The following BOD1L1 variants were observed in gnomAD, a reference collection of about 807,000 sequenced individuals.
BOD1L1 encodes the protein biorientation of chromosomes in cell division protein 1-like 1.
Under a neutral mutation model 240.7 loss-of-function variants are expected in BOD1L1, and 86 were observed. The ratio of observed to expected loss-of-function variants is 0.36; its 90% CI spans 0.30 to 0.43. The LOEUF is 0.43. Ranked by LOEUF, BOD1L1 falls within the 20% of genes least tolerant of loss-of-function variation. The pLI is 1.00. For missense variants in BOD1L1, 3,554 were observed against 3,643.5 expected, an observed-to-expected ratio of 0.98 and a Z score of 0.63; for synonymous variants, 1,268 against 1,272.3, an observed-to-expected ratio of 1.00 and a Z score of 0.07.
At chr4:13,611,934 C>A (rs1716203224) in intron 5 of BOD1L1, among the ~76,000 whole-genome samples, 1 of 152,200 alleles carries the variant, frequency 6.6e-6, no homozygotes, top group Non-Finnish European at 1.5e-5. Flanking sequence ...CTACCATGTA[C>A]TCTTAAAATA....
intron 12 of BOD1L1, chr4:13,592,955 C>G (rs1257142493): frequency 1.3e-5 from 2 of 152,122 alleles, no homozygotes; most frequent in East Asian, 3.8e-4. Flanking sequence ...AAATGAGTAA[C>G]AAGTACTTAT....
In BOD1L1 at chr4:13,569,041, T is replaced by C. The variant is rs1439481937; in HGVS notation, c.*970A>G. ...ACATGTTTAAAAAAACACTTGGCAA[T>C]AAAGCCAGTTTCTATACTGAAATAA... On this transcript the variant is annotated 3_prime_UTR_variant, in exon 26 of 26. Coordinates refer to ENST00000040738, the MANE Select transcript of BOD1L1 (RefSeq NM_148894.3). 6.6e-6 allele frequency: 1 copy of C among 152,108 alleles called. No individual in the cohort carries two copies. Among genetic ancestry groups the C allele is most frequent in the Non-Finnish European group, 1.5e-5 (1 of 68,016 alleles). 9.4% of individuals were successfully genotyped at this position (152,108 alleles called of 1,614,324 possible).
Position 13,619,638 on chromosome 4 carries a change from A to G in BOD1L1, c.368+305T>C, listed in dbSNP as rs568017362. On this transcript the variant is annotated intron_variant, in intron 2 of 25. Coordinates refer to ENST00000040738, the MANE Select transcript of BOD1L1 (RefSeq NM_148894.3). ...CTTAGGGTCAAGAAAATAGTTGTGA[A>G]GGCAACTGTATATATCATCTATTAA... Among the ~76,000 whole-genome samples, 34 of 152,344 alleles carry G rather than the reference A, an allele frequency of 2.2e-4. No individual in the cohort carries two copies. The South Asian group carries it at 4.8e-3, about 21-fold the overall frequency.
rs1714847277 is a variant in BOD1L1, at chr4:13,599,059, G to A, written c.7841C>T (p.Thr2614Ile). The change falls in exon 10 of 26, where the codon ACT becomes ATT. Residue 2614 changes from threonine (T) to isoleucine (I), a missense_variant. Thr to Ile is a moderately conservative substitution (Grantham distance 89). Transcript: ENST00000040738. ...TGTTTTCTCAGCAGATGCTTGATCA[G>A]TCCATTTGCCACTATAATCATTCTT... is the stretch of plus-strand genomic sequence containing the variant. ...TIKNDYSGKWTDQASAEKTGD... is the reference protein window; with the variant it reads ...TIKNDYSGKWIDQASAEKTGD... 6.2e-7 allele frequency: 1 copy of A among 1,613,880 alleles called. No homozygotes were observed. The highest frequency in any genetic ancestry group is 8.5e-7 in the Non-Finnish European group (1 of 1,179,906).
intron 22 of BOD1L1, 112 bp downstream of exon 22, chr4:13,579,816 G>A (rs1023712006): frequency 3.9e-6 from 3 of 762,646 alleles, no homozygotes; most frequent in Non-Finnish European, 6.3e-6. Flanking sequence ...TTTTACCAAG[G>A]GGGCCACCCA....
intron 1 of BOD1L1, among the ~76,000 whole-genome samples, chr4:13,622,823 G>A (rs1275887028): frequency 6.6e-6 from 1 of 152,220 alleles, no homozygotes; most frequent in African/African-American, 2.4e-5. Context: ...CATCTGAAAT[G>A]GAAGTCAGAT....
intron 12 of BOD1L1, among the ~76,000 whole-genome samples, chr4:13,595,205 T>C (rs777770255): frequency 6.6e-6 from 1 of 152,258 alleles, no homozygotes. Context: ...TTTACTTTTC[T>C]CAATTTTAAT....
chr4:13,606,714 GT>G (rs746954385), intron 9 of BOD1L1, among the ~76,000 whole-genome samples: 4 of 152,106 alleles, frequency 2.6e-5, no homozygotes, highest in Non-Finnish European at 4.4e-5. Context: ...GTTAAAAACA[GT>G]TTGCCAGATT....
At position 13,587,542 on chromosome 4, in the gene BOD1L1, C is replaced by T. The variant is rs114602753; in HGVS notation, c.8353+157G>A. On this transcript the variant is annotated intron_variant, in intron 16 of 25. Coordinates refer to ENST00000040738, the MANE Select transcript of BOD1L1 (RefSeq NM_148894.3). The stretch of plus-strand genomic sequence containing the variant: ...CTAGATTGGGGTCCAGAAAGGACTC[C>T]GGAGGTATCAAGCCAGTCTAGAAAC... Among the ~76,000 whole-genome samples the T allele has an allele frequency of 2.0e-3, 305 of 152,104 alleles. 1 individual carries two copies. Among genetic ancestry groups the T allele is most frequent in the African/African-American group, 5.8e-3 (241 of 41,478 alleles).
Position 13,582,731 on chromosome 4 carries a change from C to A in BOD1L1, c.8439G>T (p.Glu2813Asp), listed in dbSNP as rs1469946001. 6.2e-7 allele frequency: 1 copy of A among 1,606,342 alleles called. No homozygotes were observed. Among genetic ancestry groups the A allele is most frequent in the East Asian group, 2.2e-5 (1 of 44,818 alleles). Residue 2813 changes from glutamate to aspartate, a missense_variant, in exon 18 of 26, where the codon GAG becomes GAT. Glu to Asp is a conservative substitution (Grantham distance 45). This residue lies in a region of BOD1L1 where 3,393 missense variants were observed against 3,427.1 expected (regional missense o/e 0.99). Transcript: ENST00000040738. ...PETEPHDTKEENSRDLEELPK... is the reference protein window; with the variant it reads ...PETEPHDTKEDNSRDLEELPK... Reference sequence around the variant, plus strand: ...GTAATTCTTCCAAATCTCTGGAGTTCTCTTCCTATAGAGAAGTTGAAAAAG... The same window carrying A: ...GTAATTCTTCCAAATCTCTGGAGTTATCTTCCTATAGAGAAGTTGAAAAAG...
chr4:13,621,022 A>G (rs1374375879), intron 1 of BOD1L1, among the ~76,000 whole-genome samples: 1 of 152,218 alleles, frequency 6.6e-6, no homozygotes, highest in African/African-American at 2.4e-5. Context: ...TGAAGATCCT[A>G]CAATGCATAG....
rs868295570 is a variant in BOD1L1, at chr4:13,617,050, T to G, written c.369-1548A>C. ...TCACAAGGTCAGGAGATCGAGACCA[T>G]CCTGGCCAACATGGTGAAACCTCAT... On this transcript the variant is annotated intron_variant, in intron 2 of 25. Coordinates refer to ENST00000040738, the MANE Select transcript of BOD1L1 (RefSeq NM_148894.3). Among the ~76,000 whole-genome samples the G allele has an allele frequency of 5.3e-5, 8 of 151,936 alleles. No homozygotes were observed. The South Asian group carries it at 1.5e-3, about 28-fold the overall frequency.
chr4:13,577,550 C>T, intron 23 of BOD1L1, 32 bp downstream of exon 23: 1 of 1,591,368 alleles, frequency 6.3e-7, no homozygotes, highest in African/African-American at 1.3e-5. Flanking sequence ...GATTTCTAAA[C>T]AACATATCTT....
intron 6 of BOD1L1, 63 bp from the exon 7 acceptor site, chr4:13,609,469 A>AC: frequency 8.9e-7 from 1 of 1,126,800 alleles, no homozygotes. Context: ...GAAAAATTGT[A>AC]TTTTTTTTAA....
chr4:13,571,897 T>C (rs1193010533), intron 25 of BOD1L1, among the ~76,000 whole-genome samples: 1 of 152,238 alleles, frequency 6.6e-6, no homozygotes, highest in Non-Finnish European at 1.5e-5. Flanking sequence ...CCTGGCACTA[T>C]AGTTTGCTTT....
Position 13,614,482 on chromosome 4 carries a change from C to T in BOD1L1, c.888G>A (p.Glu296=). Residue 296 remains glutamate, a synonymous_variant, in exon 4 of 26, where the codon GAG becomes GAA. Coordinates refer to ENST00000040738, the MANE Select transcript of BOD1L1 (RefSeq NM_148894.3). ...PVEEIKNYTK[E]HNNLILLNKD... is the part of the protein sequence containing the mutation. ...TATTTAGCAGAATTAAATTATTATG[C>T]TCTTTTGTGTAATTTTTAATTTCTT... is the stretch of plus-strand genomic sequence containing the variant. 1.9e-6 allele frequency: 3 copies of T among 1,613,484 alleles called. No individual in the cohort carries two copies. Among genetic ancestry groups the T allele is most frequent in the Non-Finnish European group, 2.5e-6 (3 of 1,179,776 alleles).
At chr4:13,616,912 G>A (rs908178932) in intron 2 of BOD1L1, among the ~76,000 whole-genome samples, 3 of 152,110 alleles carry the variant, frequency 2.0e-5, no homozygotes, top group Non-Finnish European at 4.4e-5. Context: ...AAAGAAATAA[G>A]AAAAAGCAAT....
intron 6 of BOD1L1, 138 bp downstream of exon 6, chr4:13,610,796 C>A (rs61795290): frequency 1.7e-6 from 1 of 598,816 alleles, no homozygotes. Flanking sequence ...ATCTACTCTA[C>A]CTAGTTAAAT....
At chr4:13,616,518 A>G (rs1716606439) in intron 2 of BOD1L1, among the ~76,000 whole-genome samples, 1 of 152,250 alleles carries the variant, frequency 6.6e-6, no homozygotes, top group Admixed American at 6.5e-5. Context: ...ATTTTAAGAA[A>G]CACACTTAAA....
Sources: allele counts gnomAD v4.1 joint callset (sites outside exome capture counted in the v4.1 genomes callset), GRCh38; gene constraint gnomAD v4.1.1; regional missense constraint gnomAD v4.1.1; transcripts MANE v1.5; gene names NCBI Gene and HGNC (gene_info 2026-07-23, HGNC 2026-07-21).